KCNK13: variants seen among roughly 807,000 people sequenced by gnomAD.
KCNK13 encodes the protein potassium two pore domain channel subfamily K member 13.
A neutral mutation model predicts 23.4 loss-of-function variants in KCNK13; 12 were observed. That is an observed-to-expected ratio of 0.51 (90% CI 0.33 to 0.83). The LOEUF (loss-of-function observed/expected upper bound fraction) is 0.83. KCNK13 is among the 40% of genes least tolerant of loss of function. The pLI, the probability that KCNK13 is intolerant of heterozygous loss-of-function variation, is 0.02. For missense variants in KCNK13, 463 were observed against 556.3 expected, an observed-to-expected ratio of 0.83 and a Z score of 1.69; for synonymous variants, 231 against 229.5, an observed-to-expected ratio of 1.01 and a Z score of -0.06.
intron 1 of KCNK13, among the ~76,000 whole-genome samples, chr14:90,112,004 G>A (rs549789618): frequency 4.1e-4 from 63 of 152,242 alleles, no homozygotes; most frequent in Middle Eastern, 3.4e-3. Flanking sequence ...CCTTGGGGCT[G>A]GCCCCACCCT....
At chr14:90,131,102 T>G (rs1341466663) in intron 1 of KCNK13, among the ~76,000 whole-genome samples, 1 of 152,184 alleles carries the variant, frequency 6.6e-6, no homozygotes, top group Non-Finnish European at 1.5e-5. Flanking sequence ...ACCTGGCACA[T>G]AGTAAGGCAC....
intron 1 of KCNK13, among the ~76,000 whole-genome samples, chr14:90,151,108 C>T (rs1198587051): frequency 2.6e-5 from 4 of 152,208 alleles, no homozygotes; most frequent in Non-Finnish European, 5.9e-5. Context: ...AAGCAAATGC[C>T]TGTATACTTC....
At chr14:90,071,695 A>G (rs1229508247) in intron 1 of KCNK13, among the ~76,000 whole-genome samples, 1 of 152,142 alleles carries the variant, frequency 6.6e-6, no homozygotes. Flanking sequence ...TCAGGAGATC[A>G]AGACCATTGT....
At chr14:90,146,203 TCC>T (rs1337341901) in intron 1 of KCNK13, among the ~76,000 whole-genome samples, 3 of 152,190 alleles carry the variant, frequency 2.0e-5, no homozygotes, top group Non-Finnish European at 2.9e-5. Flanking sequence ...TGTCTCTTTA[TCC>T]ATTATAGAAG....
At chr14:90,070,161 GT>G (rs1889056814) in intron 1 of KCNK13, among the ~76,000 whole-genome samples, 1 of 152,176 alleles carries the variant, frequency 6.6e-6, no homozygotes, top group African/African-American at 2.4e-5. Context: ...CATGTTACCT[GT>G]TGTGGGATGC....
At chr14:90,142,919 T>G (rs1410712135) in intron 1 of KCNK13, among the ~76,000 whole-genome samples, 2 of 152,186 alleles carry the variant, frequency 1.3e-5, no homozygotes, top group Non-Finnish European at 2.9e-5. Flanking sequence ...ACTATACGTT[T>G]CTAGGGGAGC....
intron 1 of KCNK13, among the ~76,000 whole-genome samples, chr14:90,135,565 T>C (rs1254840889): frequency 6.6e-6 from 1 of 152,186 alleles, no homozygotes; most frequent in Non-Finnish European, 1.5e-5. Context: ...GCAGATGATT[T>C]TCACAGGCCC....
At chr14:90,076,811 T>TA (rs979120044) in intron 1 of KCNK13, among the ~76,000 whole-genome samples, 6 of 151,904 alleles carry the variant, frequency 3.9e-5, no homozygotes, top group African/African-American at 1.5e-4. Flanking sequence ...TTCTGGAGAT[T>TA]AAAAAAAAAT....
At chr14:90,109,690 A>C (rs895438911) in intron 1 of KCNK13, among the ~76,000 whole-genome samples, 1 of 147,998 alleles carries the variant, frequency 6.8e-6, no homozygotes, top group Non-Finnish European at 1.5e-5. Flanking sequence ...GATTACAGGC[A>C]TGAGCCATGG....
In KCNK13 at chr14:90,151,001, G is replaced by A. The variant is rs190526514; in HGVS notation, c.335-33110G>A. On this transcript the variant is annotated intron_variant, in intron 1 of 1. Transcript: ENST00000282146. ...CTCAAAAAGAAAAAAAAAGTGTGTG[G>A]CACCTCCTCCCTTCTTCCTCCTGTT... Among the ~76,000 whole-genome samples the A allele has an allele frequency of 8.7e-4, 133 of 152,090 alleles. 1 individual carries two copies. The highest frequency in any genetic ancestry group is 2.9e-4 in the Non-Finnish European group (20 of 67,974).
chr14:90,161,279 A>G (rs907208445), intron 1 of KCNK13, among the ~76,000 whole-genome samples: 19 of 152,212 alleles, frequency 1.2e-4, no homozygotes, highest in African/African-American at 2.4e-5. Context: ...ACAGTAGAAT[A>G]GAGGCTGCCG....
chr14:90,135,171 C>T (rs1889920854), intron 1 of KCNK13, among the ~76,000 whole-genome samples: 1 of 152,220 alleles, frequency 6.6e-6, no homozygotes, highest in African/African-American at 2.4e-5. Context: ...TCTACTGAAT[C>T]CTGCAATTGG....
chr14:90,106,931 G>T (rs1255533541), intron 1 of KCNK13, among the ~76,000 whole-genome samples: 1 of 152,160 alleles, frequency 6.6e-6, no homozygotes, highest in African/African-American at 2.4e-5. Context: ...TGAGGCAGGA[G>T]AATCGCTTGA....
intron 1 of KCNK13, among the ~76,000 whole-genome samples, chr14:90,180,137 G>A (rs888989645): frequency 2.0e-5 from 3 of 152,156 alleles, no homozygotes; most frequent in African/African-American, 7.2e-5. Flanking sequence ...TCTGATTCTG[G>A]TTTTATGACT....
intron 1 of KCNK13, among the ~76,000 whole-genome samples, chr14:90,120,563 G>A (rs963874571): frequency 3.3e-5 from 5 of 152,146 alleles, no homozygotes; most frequent in African/African-American, 9.7e-5. Flanking sequence ...AATGTCAGAC[G>A]CTTATAAAAC....
intron 1 of KCNK13, among the ~76,000 whole-genome samples, chr14:90,097,986 GTCTC>G (rs145863746): frequency 6.7e-6 from 1 of 150,018 alleles, no homozygotes; most frequent in Non-Finnish European, 1.5e-5. Flanking sequence ...AAGGATCCAG[GTCTC>G]TCTCTCTCTC....
chr14:90,115,731 A>T (rs1889669442), intron 1 of KCNK13, among the ~76,000 whole-genome samples: 1 of 152,242 alleles, frequency 6.6e-6, no homozygotes, highest in South Asian at 2.1e-4. Flanking sequence ...AGGCCGATCT[A>T]GGTTGTGGGC....
chr14:90,105,471 C>T (rs548171775), intron 1 of KCNK13, among the ~76,000 whole-genome samples: 28 of 152,220 alleles, frequency 1.8e-4, no homozygotes, highest in African/African-American at 5.3e-4. Context: ...GAACAACCAA[C>T]GTTGGAGCAA....
intron 1 of KCNK13, among the ~76,000 whole-genome samples, chr14:90,150,597 C>T (rs1042766172): frequency 3.9e-5 from 6 of 152,182 alleles, no homozygotes; most frequent in African/African-American, 1.2e-4. Flanking sequence ...CTGTCTGATG[C>T]ACAGGAAGGC....
Sources: allele counts gnomAD v4.1 joint callset (sites outside exome capture counted in the v4.1 genomes callset), GRCh38; gene constraint gnomAD v4.1.1; transcripts MANE v1.5; gene names NCBI Gene and HGNC (gene_info 2026-07-23, HGNC 2026-07-21).